WWP2: variants seen among roughly 807,000 people sequenced by gnomAD.
WWP2 encodes WW domain containing E3 ubiquitin protein ligase 2.
Under a neutral mutation model 121.0 loss-of-function variants are expected in WWP2, and 57 were observed. The ratio of observed to expected loss-of-function variants is 0.47; its 90% CI spans 0.38 to 0.59. The LOEUF is 0.59. Ranked by LOEUF, WWP2 falls within the 20% of genes least tolerant of loss-of-function variation. The pLI, the probability that WWP2 is intolerant of heterozygous loss-of-function variation, is 0.00. For synonymous variants in WWP2, 449 were observed against 441.3 expected (o/e 1.02, Z -0.22); for missense variants, 962 against 1,158.9 (o/e 0.83, Z 2.47).
chr16:69,792,057 A>G (rs775545830), intron 2 of WWP2, among the ~76,000 whole-genome samples: 7 of 152,154 alleles, frequency 4.6e-5, no homozygotes, highest in Non-Finnish European at 1.0e-4. Context: ...ATAACCATTT[A>G]AATAGCGTAG....
chr16:69,917,838 G>T lies in WWP2; in HGVS notation c.1134G>T (p.Gln378His), dbSNP rs372845231. Residue 378 changes from glutamine to histidine, a missense_variant, in exon 10 of 24, where the codon CAG becomes CAT. Physicochemically the swap from Gln to His is conservative, Grantham distance 24. Transcript: ENST00000359154. ...NYEQWQSQRN[Q>H]LQGAMQHFSQ... Reference sequence around the variant, plus strand: ...AGCAGTGGCAGTCGCAGCGGAATCAGCTCCAGGGGGCCATGCAGCACTTCA... The same window carrying T: ...AGCAGTGGCAGTCGCAGCGGAATCATCTCCAGGGGGCCATGCAGCACTTCA... 14 of 1,613,720 alleles carry T rather than the reference G, an allele frequency of 8.7e-6. No homozygotes were observed. Among genetic ancestry groups the T allele is most frequent in the Non-Finnish European group, 1.1e-5 (13 of 1,179,686 alleles).
At chr16:69,827,154 GAA>G (rs71151140) in intron 4 of WWP2, among the ~76,000 whole-genome samples, 1 of 142,176 alleles carries the variant, frequency 7.0e-6, no homozygotes, top group African/African-American at 2.6e-5. Context: ...TGGAAATTAT[GAA>G]AAAAAAAAAA....
intron 9 of WWP2, 74 bp from the exon 10 acceptor site, chr16:69,917,635 T>C: frequency 6.4e-7 from 1 of 1,552,484 alleles, no homozygotes; most frequent in Non-Finnish European, 8.8e-7. Flanking sequence ...GTGCTAGGCA[T>C]CCTGAGACTT....
chr16:69,802,412 TCCTC>T (rs1336997063), intron 4 of WWP2, among the ~76,000 whole-genome samples: 1 of 152,022 alleles, frequency 6.6e-6, no homozygotes, highest in Non-Finnish European at 1.5e-5. Context: ...GACTCCCCCA[TCCTC>T]CCCTCGCACC....
At chr16:69,784,489 G>C (rs2055740341) in intron 1 of WWP2, among the ~76,000 whole-genome samples, 1 of 152,182 alleles carries the variant, frequency 6.6e-6, no homozygotes, top group South Asian at 2.1e-4. Context: ...GAGTAAAGCA[G>C]TTGGTGCTAG....
chr16:69,803,321 ATTC>A (rs965012705), intron 4 of WWP2, among the ~76,000 whole-genome samples: 4 of 148,810 alleles, frequency 2.7e-5, no homozygotes, highest in Admixed American at 2.1e-4. Flanking sequence ...CTTTATTTTA[ATTC>A]TTCTACTTTT....
intron 4 of WWP2, among the ~76,000 whole-genome samples, chr16:69,819,007 A>G (rs2056546115): frequency 6.6e-6 from 1 of 152,174 alleles, no homozygotes; most frequent in Non-Finnish European, 1.5e-5. Context: ...AGCTTTCTAC[A>G]TCTTGAAGCA....
chr16:69,846,423 A>G (rs1244898104), intron 6 of WWP2, among the ~76,000 whole-genome samples: 1 of 152,216 alleles, frequency 6.6e-6, no homozygotes, highest in African/African-American at 2.4e-5. Context: ...CAGTAAAACT[A>G]TAAAAAATGG....
chr16:69,887,700 C>A (rs1165950286), intron 7 of WWP2, among the ~76,000 whole-genome samples: 1 of 152,166 alleles, frequency 6.6e-6, no homozygotes, highest in Non-Finnish European at 1.5e-5. Context: ...GCCACTGCGC[C>A]TGGCCCCAAC....
At chr16:69,767,275 G>A (rs1210441357) in intron 1 of WWP2, among the ~76,000 whole-genome samples, 1 of 152,138 alleles carries the variant, frequency 6.6e-6, no homozygotes, top group Non-Finnish European at 1.5e-5. Context: ...TTGAATGCAT[G>A]TTGTTTGTCA....
chr16:69,803,386 C>G (rs949347052), intron 4 of WWP2, among the ~76,000 whole-genome samples: 2 of 151,598 alleles, frequency 1.3e-5, no homozygotes, highest in Non-Finnish European at 2.9e-5. Flanking sequence ...CATTATCTTA[C>G]ACAATTACTG....
At chr16:69,932,988 T>C (rs894535278) in intron 16 of WWP2, 8 of 470,774 alleles carry the variant, frequency 1.7e-5, no homozygotes, top group Middle Eastern at 3.7e-4. Flanking sequence ...CGTTGCCTTC[T>C]GCGCTGGCCC....
intron 8 of WWP2, among the ~76,000 whole-genome samples, chr16:69,895,867 A>G (rs1347244103): frequency 6.6e-6 from 1 of 152,200 alleles, no homozygotes; most frequent in Admixed American, 6.5e-5. Flanking sequence ...GCATCAGATT[A>G]AAGGATTACA....
intron 4 of WWP2, among the ~76,000 whole-genome samples, chr16:69,807,882 C>G (rs1041705722): frequency 1.3e-5 from 2 of 151,650 alleles, no homozygotes; most frequent in African/African-American, 4.8e-5. Context: ...TTGCTTCAGT[C>G]TGGGAGATAG....
At chr16:69,825,904 G>A (rs1301292766) in intron 4 of WWP2, among the ~76,000 whole-genome samples, 5 of 152,084 alleles carry the variant, frequency 3.3e-5, no homozygotes, top group East Asian at 3.9e-4. Flanking sequence ...GATTACAGAC[G>A]TGAGCCACCA....
At chr16:69,881,548 A>G (rs2057829996) in intron 7 of WWP2, among the ~76,000 whole-genome samples, 1 of 152,264 alleles carries the variant, frequency 6.6e-6, no homozygotes, top group South Asian at 2.1e-4. Flanking sequence ...TTATTATTTT[A>G]GCATTGGCAA....
At chr16:69,932,983 C>T in intron 16 of WWP2, 1 of 469,618 alleles carries the variant, frequency 2.1e-6, no homozygotes, top group Non-Finnish European at 4.4e-6. Flanking sequence ...GGTGGCGTTG[C>T]CTTCTGCGCT....
intron 6 of WWP2, among the ~76,000 whole-genome samples, chr16:69,846,123 A>G (rs1260080068): frequency 1.3e-5 from 2 of 151,100 alleles, no homozygotes; most frequent in African/African-American, 4.9e-5. Flanking sequence ...GCCACCAGCA[A>G]TTCATGCGGC....
rs147713739 is a variant in WWP2, at chr16:69,767,998, T to C, written c.-16+5607T>C. ...GACTATAGGCATGTGCCACCATGCC[T>C]AGCTAATTTTTAACTTTTTTGTAGA... On this transcript the variant is annotated intron_variant, in intron 1 of 23. Transcript: ENST00000359154. Among the ~76,000 whole-genome samples the C allele has an allele frequency of 3.2e-3, 485 of 152,194 alleles. 3 individuals are homozygous for C. The highest frequency in any genetic ancestry group is 0.011 in the African/African-American group (470 of 41,508).
Sources: gnomAD v4.1 joint callset for allele counts (sites outside exome capture counted in the v4.1 genomes callset) on GRCh38, gnomAD v4.1.1 for gene constraint, MANE v1.5 for transcripts, NCBI Gene and HGNC (gene_info 2026-07-23, HGNC 2026-07-21) for gene names.